The following L3MBTL4 variants were observed in gnomAD, a reference collection of about 807,000 sequenced individuals.
L3MBTL4 encodes lethal(3)malignant brain tumor-like protein 4.
L3MBTL4 carries 70 observed loss-of-function variants against 84.5 expected under a neutral mutation model. The ratio of observed to expected loss-of-function variants is 0.83; its 90% CI spans 0.68 to 1.01. The LOEUF (loss-of-function observed/expected upper bound fraction) is 1.01, where lower values mean the gene tolerates loss of function less well. Ranked by LOEUF, L3MBTL4 falls within the 50% of genes least tolerant of loss-of-function variation. The pLI is 0.00. For synonymous variants in L3MBTL4, 274 were observed against 259.8 expected (o/e 1.05, Z -0.52); for missense variants, 715 against 754.8 (o/e 0.95, Z 0.62).
intron 16 of L3MBTL4, among the ~76,000 whole-genome samples, chr18:6,049,854 C>T (rs2056779104): frequency 6.6e-6 from 1 of 152,118 alleles, no homozygotes; most frequent in South Asian, 2.1e-4. Context: ...GTACATGTAA[C>T]CCTTGAATTG....
chr18:6,169,219 A>G (rs1036862633), intron 13 of L3MBTL4, among the ~76,000 whole-genome samples: 1 of 152,228 alleles, frequency 6.6e-6, no homozygotes, highest in African/African-American at 2.4e-5. Flanking sequence ...GAACACTTTT[A>G]CACTGTTGGT....
chr18:6,217,640 C>A (rs773992304), intron 10 of L3MBTL4, among the ~76,000 whole-genome samples: 11 of 152,246 alleles, frequency 7.2e-5, no homozygotes, highest in Admixed American at 3.3e-4. Context: ...TGGAATGCAT[C>A]CAGGAGTAAC....
At chr18:6,215,663 C>A (rs750078960) in intron 11 of L3MBTL4, 87 bp downstream of exon 11, 4 of 616,604 alleles carry the variant, frequency 6.5e-6, no homozygotes, top group Non-Finnish European at 1.1e-5. Context: ...AAAGAAAAAA[C>A]TAGAATAATT....
At chr18:6,146,512 G>A (rs528628298) in intron 13 of L3MBTL4, among the ~76,000 whole-genome samples, 1 of 152,360 alleles carries the variant, frequency 6.6e-6, no homozygotes, top group East Asian at 1.9e-4. Flanking sequence ...GCACCTGGCC[G>A]CTGGGTTTCG....
intron 16 of L3MBTL4, among the ~76,000 whole-genome samples, chr18:6,013,784 A>T (rs1350010217): frequency 6.6e-6 from 1 of 152,242 alleles, no homozygotes; most frequent in Non-Finnish European, 1.5e-5. Flanking sequence ...ATGATCCTCA[A>T]ATCTGGCACA....
chr18:6,343,115 G>A (rs2052691354), intron 1 of L3MBTL4, among the ~76,000 whole-genome samples: 1 of 152,026 alleles, frequency 6.6e-6, no homozygotes, highest in South Asian at 2.1e-4. Context: ...GGGACTGAAG[G>A]GAGAAATAGA....
chr18:6,178,808 T>C (rs2044336575), intron 12 of L3MBTL4, among the ~76,000 whole-genome samples: 1 of 152,140 alleles, frequency 6.6e-6, no homozygotes, highest in Non-Finnish European at 1.5e-5. Context: ...TTGGCATAAA[T>C]CCCACACTTC....
intron 14 of L3MBTL4, among the ~76,000 whole-genome samples, chr18:6,113,439 T>G (rs1408498263): frequency 1.5e-5 from 2 of 136,892 alleles, no homozygotes; most frequent in African/African-American, 5.5e-5. Context: ...ACTGTGACAG[T>G]GTATTAATTG....
chr18:6,241,274 T>C (rs1330651546), intron 8 of L3MBTL4, 84 bp downstream of exon 8: 1 of 809,868 alleles, frequency 1.2e-6, no homozygotes, highest in Non-Finnish European at 2.1e-6. Context: ...CTTAAAGGAT[T>C]AAAATAAAAC....
At chr18:5,995,797 A>G (rs1025154257) in intron 16 of L3MBTL4, among the ~76,000 whole-genome samples, 14 of 152,124 alleles carry the variant, frequency 9.2e-5, no homozygotes, top group Non-Finnish European at 1.6e-4. Context: ...ACTGATCCCC[A>G]CTACTTAGCA....
In L3MBTL4 at chr18:6,401,228, G is replaced by A. The variant is rs183777245; in HGVS notation, c.-91+13573C>T. ...AATCAATAATAAAATGATCGTATTC[G>A]TATGAGGTTGTGTGGGTATTTAATA... On this transcript the variant is annotated intron_variant, in intron 1 of 18. Transcript: ENST00000317931. Among the ~76,000 whole-genome samples, 19 of 152,170 alleles carry A rather than the reference G, an allele frequency of 1.2e-4. No homozygotes were observed. In the South Asian group the frequency reaches 2.5e-3, roughly 20 times the overall value.
intron 12 of L3MBTL4, among the ~76,000 whole-genome samples, chr18:6,185,733 A>C (rs866728462): frequency 1.3e-5 from 2 of 152,226 alleles, no homozygotes; most frequent in Non-Finnish European, 2.9e-5. Flanking sequence ...GAAGCAATAA[A>C]GAACTCTAAG....
At chr18:6,069,661 T>G (rs978681215) in intron 16 of L3MBTL4, among the ~76,000 whole-genome samples, 1 of 152,106 alleles carries the variant, frequency 6.6e-6, no homozygotes, top group African/African-American at 2.4e-5. Context: ...TAACTGCCTC[T>G]TCTGCACAGA....
intron 5 of L3MBTL4, among the ~76,000 whole-genome samples, chr18:6,248,392 C>G (rs750727677): frequency 6.6e-6 from 1 of 152,196 alleles, no homozygotes; most frequent in African/African-American, 2.4e-5. Flanking sequence ...AGTAAAGTTA[C>G]AATATCCATT....
chr18:5,957,997 G>GGAAGGAGAAGGAGGAGGAGGA (rs2095237214), intron 18 of L3MBTL4, among the ~76,000 whole-genome samples: 1 of 146,428 alleles, frequency 6.8e-6, no homozygotes, highest in African/African-American at 2.5e-5. Context: ...GGAAAAAGAA[G>GGAAGGAGAAGGAGGAGGAGGA]GAAGGAGAAG....
chr18:6,191,043 T>C (rs1456036463), intron 12 of L3MBTL4, among the ~76,000 whole-genome samples: 1 of 152,090 alleles, frequency 6.6e-6, no homozygotes, highest in African/African-American at 2.4e-5. Flanking sequence ...CTTATGGGAT[T>C]TGGCTTTTAT....
chr18:6,295,340 CTCTCTCTATA>C lies in L3MBTL4; in HGVS notation c.127+6553_127+6562del, dbSNP rs1198923377. ...TCTCTCTCTCTCTCTCTCTCTCTCTCTCTCTCTATATATATATATATATATATATATACAG... is the reference window on the plus strand; with the variant it reads ...TCTCTCTCTCTCTCTCTCTCTCTCTCTATATATATATATATATATATACAG... On this transcript the variant is annotated intron_variant, in intron 4 of 18. Coordinates refer to ENST00000317931, the MANE Select transcript of L3MBTL4 (RefSeq NM_001330559.2). 9.2e-3 allele frequency among the ~76,000 whole-genome samples: 1,129 copies of C among 122,530 alleles called. 17 individuals are homozygous for C. Among genetic ancestry groups the C allele is most frequent in the African/African-American group, 0.037 (987 of 26,740 alleles). The allele number at this position is 122,530 out of a possible 152,430, so 80.4% of individuals were successfully genotyped here.
Position 6,411,941 on chromosome 18 carries a change from G to T in L3MBTL4, c.-91+2860C>A, listed in dbSNP as rs183311303. On this transcript the variant is annotated intron_variant, in intron 1 of 18. Coordinates refer to ENST00000317931, the MANE Select transcript of L3MBTL4 (RefSeq NM_001330559.2). Reference sequence around the variant, plus strand: ...TATTTCCTATAATATATTAATACATGATATAAGCATTACTAAAATAATATT... The same window carrying T: ...TATTTCCTATAATATATTAATACATTATATAAGCATTACTAAAATAATATT... Among the ~76,000 whole-genome samples the T allele has an allele frequency of 6.5e-3, 995 of 152,256 alleles. 15 individuals are homozygous for T. The highest frequency in any genetic ancestry group is 0.017 in the Middle Eastern group (5 of 294).
At chr18:6,311,813 A>T (rs1439874110) in intron 2 of L3MBTL4, among the ~76,000 whole-genome samples, 157 bp from the exon 3 acceptor site, 1 of 152,250 alleles carries the variant, frequency 6.6e-6, no homozygotes, top group African/African-American at 2.4e-5. Context: ...GTTTTATAGT[A>T]CTTAATATAA....
Sources: gnomAD v4.1 joint callset for allele counts (sites outside exome capture counted in the v4.1 genomes callset) on GRCh38, gnomAD v4.1.1 for gene constraint, MANE v1.5 for transcripts, NCBI Gene and HGNC (gene_info 2026-07-23, HGNC 2026-07-21) for gene names.